CNTNAP2: variants seen among roughly 807,000 people sequenced by gnomAD.
CNTNAP2 encodes the protein contactin associated protein 2, also known as contactin-associated protein-like 2.
In CNTNAP2, 98 loss-of-function variants were observed where a neutral mutation model predicts 155.2. The ratio of observed to expected loss-of-function variants is 0.63; its 90% confidence interval spans 0.54 to 0.75. CNTNAP2 has a LOEUF of 0.75. Ranked by LOEUF, CNTNAP2 falls within the 30% of genes least tolerant of loss-of-function variation. The pLI is 0.00. For missense variants in CNTNAP2, 1,727 were observed against 1,688.1 expected (o/e 1.02, Z -0.40); for synonymous variants, 651 against 631.2 (o/e 1.03, Z -0.47).
At chr7:148,330,113 G>GTGGATGGATAGAA (rs1554418981) in intron 21 of CNTNAP2, among the ~76,000 whole-genome samples, 190 of 147,796 alleles carry the variant, frequency 1.3e-3, no homozygotes, top group Non-Finnish European at 2.2e-3. Context: ...GATAGATGGA[G>GTGGATGGATAGAA]TGGATGGATG....
chr7:146,399,970 G>A (rs556228084), intron 1 of CNTNAP2, among the ~76,000 whole-genome samples: 37 of 152,174 alleles, frequency 2.4e-4, no homozygotes, highest in Middle Eastern at 3.4e-3. Context: ...CACTTATGGT[G>A]TCTTTCTGGG....
chr7:148,404,093 C>A (rs761541773), intron 22 of CNTNAP2, among the ~76,000 whole-genome samples: 37 of 152,186 alleles, frequency 2.4e-4, no homozygotes, highest in Non-Finnish European at 4.7e-4. Context: ...AAAATTCTAC[C>A]TGCATAGAAG....
At chr7:147,214,990 CTT>C (rs1319076003) in intron 8 of CNTNAP2, among the ~76,000 whole-genome samples, 1 of 152,194 alleles carries the variant, frequency 6.6e-6, no homozygotes, top group African/African-American at 2.4e-5. Context: ...CCACCAGACA[CTT>C]TTAAACAATC....
intron 1 of CNTNAP2, among the ~76,000 whole-genome samples, chr7:146,699,258 T>C (rs115793693): frequency 0.013 from 2,004 of 152,318 alleles, 34 homozygotes; most frequent in African/African-American, 0.043. Flanking sequence ...GGATTTAAGC[T>C]GTGTCTACTA....
In CNTNAP2 at chr7:146,367,506, T is replaced by C. The variant is rs569949269; in HGVS notation, c.97+250533T>C. On this transcript the variant is annotated intron_variant, in intron 1 of 23. Transcript: ENST00000361727. ...TAATGGAAGACAGATTGAAAGGAAA[T>C]TTGTTACTATTAGGATGCTTGCAAT... 1.2e-4 allele frequency among the ~76,000 whole-genome samples: 19 copies of C among 152,198 alleles called. No homozygotes were observed. The South Asian group carries it at 2.9e-3, about 23-fold the overall frequency.
At chr7:147,022,353 C>T (rs1798831423) in intron 3 of CNTNAP2, among the ~76,000 whole-genome samples, 1 of 152,080 alleles carries the variant, frequency 6.6e-6, no homozygotes, top group Non-Finnish European at 1.5e-5. Context: ...TAGAAAATTA[C>T]CCAAAATTGA....
intron 3 of CNTNAP2, among the ~76,000 whole-genome samples, chr7:146,912,621 A>G (rs11765622): frequency 0.23 from 35,559 of 151,964 alleles, 5,380 homozygotes; most frequent in Non-Finnish European, 0.32. Context: ...ATCCCCTTTA[A>G]ACCTCAAGAA....
intron 10 of CNTNAP2, among the ~76,000 whole-genome samples, chr7:147,440,170 G>A (rs1252620241): frequency 1.3e-5 from 2 of 151,826 alleles, no homozygotes; most frequent in African/African-American, 4.8e-5. Flanking sequence ...TCCTTTTAGT[G>A]AGGGTGATTT....
intron 4 of CNTNAP2, among the ~76,000 whole-genome samples, chr7:147,079,668 CCTT>C (rs1800079159): frequency 6.6e-6 from 1 of 151,326 alleles, no homozygotes; most frequent in Non-Finnish European, 1.5e-5. Flanking sequence ...CTGCCTGACT[CCTT>C]CTTTATAATA....
At chr7:147,795,296 A>G (rs1272620190) in intron 13 of CNTNAP2, among the ~76,000 whole-genome samples, 2 of 151,818 alleles carry the variant, frequency 1.3e-5, no homozygotes. Context: ...CCAGTCTCAC[A>G]ATTTCTGCCT....
intron 10 of CNTNAP2, among the ~76,000 whole-genome samples, chr7:147,440,096 C>A (rs1797612400): frequency 6.6e-6 from 1 of 151,884 alleles, no homozygotes; most frequent in South Asian, 2.1e-4. Context: ...CTTACTCCTG[C>A]CATTTTGTTC....
At chr7:148,325,851 C>T (rs1052667314) in intron 21 of CNTNAP2, among the ~76,000 whole-genome samples, 4 of 152,124 alleles carry the variant, frequency 2.6e-5, no homozygotes, top group South Asian at 4.1e-4. Context: ...CTATTTCCTT[C>T]CCCAGGCCCA....
intron 13 of CNTNAP2, among the ~76,000 whole-genome samples, chr7:147,840,711 G>A (rs892375426): frequency 1.2e-4 from 19 of 152,244 alleles, no homozygotes; most frequent in Middle Eastern, 6.8e-3. Context: ...AGAATTGAAT[G>A]TAATCCAGAA....
chr7:148,294,421 G>C (rs1249010291), intron 21 of CNTNAP2, among the ~76,000 whole-genome samples: 1 of 152,148 alleles, frequency 6.6e-6, no homozygotes, highest in Non-Finnish European at 1.5e-5. Context: ...TCACTTTCTA[G>C]TTATCAGTTT....
intron 20 of CNTNAP2, among the ~76,000 whole-genome samples, chr7:148,236,227 C>CCT (rs1258787277): frequency 2.6e-5 from 4 of 152,012 alleles, no homozygotes; most frequent in Admixed American, 6.6e-5. Flanking sequence ...GGCGCCCATG[C>CCT]CTCTCTCTCT....
chr7:146,467,270 G>A (rs1252530680), intron 1 of CNTNAP2, among the ~76,000 whole-genome samples: 1 of 151,990 alleles, frequency 6.6e-6, no homozygotes, highest in Admixed American at 6.6e-5. Context: ...TAATTATTTT[G>A]CCTTTAAGAA....
intron 3 of CNTNAP2, among the ~76,000 whole-genome samples, chr7:147,001,559 T>C (rs1485931910): frequency 1.3e-5 from 2 of 152,056 alleles, no homozygotes; most frequent in Non-Finnish European, 2.9e-5. Flanking sequence ...CTTCTTCATT[T>C]TTTAAATTCT....
intron 2 of CNTNAP2, among the ~76,000 whole-genome samples, chr7:146,815,579 T>C (rs1803150500): frequency 6.6e-6 from 1 of 152,108 alleles, no homozygotes; most frequent in South Asian, 2.1e-4. Flanking sequence ...TATATTCACA[T>C]CCATATATAT....
intron 13 of CNTNAP2, among the ~76,000 whole-genome samples, chr7:147,830,590 A>G (rs1169339836): frequency 6.6e-6 from 1 of 152,194 alleles, no homozygotes; most frequent in Admixed American, 6.6e-5. Context: ...CCCTGCTTTA[A>G]CTTTGGAGCA....
Sources: allele counts gnomAD v4.1 joint callset (sites outside exome capture counted in the v4.1 genomes callset), GRCh38; gene constraint gnomAD v4.1.1; transcripts MANE v1.5; gene names NCBI Gene and HGNC (gene_info 2026-07-23, HGNC 2026-07-21).